Variants in VPS8 observed in about 807,000 individuals in gnomAD.
The protein encoded by VPS8 is VPS8 subunit of CORVET complex.
Under a neutral mutation model 216.4 loss-of-function variants are expected in VPS8, and 129 were observed. The observed-to-expected ratio is 0.60, with a 90% CI of 0.52 to 0.69. VPS8 has a LOEUF of 0.69. Ranked by LOEUF, VPS8 falls within the 30% of genes least tolerant of loss-of-function variation. The probability of loss-of-function intolerance (pLI) is 0.00; values close to 1 mark genes in which losing one functional copy is unlikely to be tolerated. For synonymous variants in VPS8, 571 were observed against 565.4 expected, an observed-to-expected ratio of 1.01 and a Z score of -0.14; for missense variants, 1,531 against 1,683.5, an observed-to-expected ratio of 0.91 and a Z score of 1.59.
At chr3:184,846,113 T>G (rs933026331) in intron 8 of VPS8, among the ~76,000 whole-genome samples, 71 of 152,350 alleles carry the variant, frequency 4.7e-4, no homozygotes, top group African/African-American at 1.7e-3. Flanking sequence ...GTTGTAAGGC[T>G]TGTAACTATC....
chr3:184,892,557 C>G (rs1479519260), intron 22 of VPS8, among the ~76,000 whole-genome samples: 1 of 152,078 alleles, frequency 6.6e-6, no homozygotes, highest in Non-Finnish European at 1.5e-5. Flanking sequence ...TTTCCTGATG[C>G]ACTAATAAGT....
chr3:184,976,082 A>G (rs909116795), intron 40 of VPS8, among the ~76,000 whole-genome samples: 4 of 152,104 alleles, frequency 2.6e-5, no homozygotes, highest in Non-Finnish European at 5.9e-5. Context: ...CATTGTAATT[A>G]TGTGTATATG....
intron 1 of VPS8, chr3:184,816,254 T>C (rs1261728864): frequency 2.0e-5 from 3 of 152,248 alleles, no homozygotes; most frequent in Non-Finnish European, 4.4e-5. Context: ...TAGACTTCGT[T>C]CATATTATTG....
chr3:184,986,518 G>A (rs1409954266), intron 42 of VPS8, among the ~76,000 whole-genome samples: 3 of 152,132 alleles, frequency 2.0e-5, no homozygotes, highest in Non-Finnish European at 4.4e-5. Flanking sequence ...TCTGCTGATG[G>A]TATTCCCCGT....
intron 39 of VPS8, among the ~76,000 whole-genome samples, chr3:184,969,806 A>G (rs183886004): frequency 2.0e-5 from 3 of 149,514 alleles, no homozygotes; most frequent in Non-Finnish European, 4.4e-5. Context: ...CACTACAATC[A>G]TTTGCAGGTG....
At chr3:184,899,786 ATGCATTC>A (rs1255882588) in intron 24 of VPS8, among the ~76,000 whole-genome samples, 1 of 152,172 alleles carries the variant, frequency 6.6e-6, no homozygotes, top group African/African-American at 2.4e-5. Flanking sequence ...TTCTATTTTG[ATGCATTC>A]TGCATTGACA....
rs748801244 is a variant in VPS8 at position 184,915,018 on chromosome 3, A to G, written c.2227A>G (p.Ile743Val). 6.8e-6 allele frequency: 11 copies of G among 1,614,032 alleles called. No individual in the cohort carries two copies. The Middle Eastern group carries it at 4.9e-4, about 73-fold the overall frequency. ...LAGRAYPLGD[I>V]PEDLVPLVKN... is the part of the protein sequence containing the mutation. ...AGGTCGTGCCTATCCCCTTGGTGAC[A>G]TCCCTGAAGATCTGGTTCCCTTGGT... The change falls in exon 27 of 48, where the codon ATC becomes GTC. Residue 743 changes from isoleucine (I) to valine (V), a missense_variant. Transcript: ENST00000625842.
chr3:184,997,187 G>A (rs1752727231), intron 44 of VPS8, among the ~76,000 whole-genome samples: 1 of 152,176 alleles, frequency 6.6e-6, no homozygotes, highest in South Asian at 2.1e-4. Context: ...CAGAGTGAAG[G>A]TGTTGGTCTC....
intron 46 of VPS8, among the ~76,000 whole-genome samples, chr3:185,026,293 T>G (rs1344278100): frequency 6.6e-6 from 1 of 152,164 alleles, no homozygotes; most frequent in East Asian, 1.9e-4. Flanking sequence ...TGGGAGGATG[T>G]GCACTGGTTA....
rs375531699 is a variant in VPS8, at chr3:184,928,478, G to A, written c.2659G>A (p.Gly887Ser). Residue 887 changes from glycine to serine, a missense_variant, in exon 32 of 48, where the codon GGC becomes AGC. Around this residue, in one of 3 missense-constraint regions of VPS8, gnomAD observed 1,318 missense variants for 1,468.4 expected, o/e 0.90. Coordinates refer to ENST00000625842, the MANE Select transcript of VPS8 (RefSeq NM_001009921.3). ...CCTTTTAGAATTGCTGCAGGCTGGAGGCATAGTTCAATTTGAAGAGAGTCG... is the reference window on the plus strand; with the variant it reads ...CCTTTTAGAATTGCTGCAGGCTGGAAGCATAGTTCAATTTGAAGAGAGTCG... ...QVLLELLQAG[G>S]IVQFEESRLI... 6 of 1,534,126 alleles carry A rather than the reference G, an allele frequency of 3.9e-6. No homozygotes were observed. Among genetic ancestry groups the A allele is most frequent in the Non-Finnish European group, 5.2e-6 (6 of 1,152,756 alleles).
At chr3:185,008,053 A>G (rs902106836) in intron 45 of VPS8, among the ~76,000 whole-genome samples, 1 of 151,972 alleles carries the variant, frequency 6.6e-6, no homozygotes, top group African/African-American at 2.4e-5. Flanking sequence ...AATTAAATAT[A>G]TATTACTATA....
intron 45 of VPS8, among the ~76,000 whole-genome samples, chr3:185,019,845 T>C (rs893140361): frequency 2.0e-5 from 3 of 152,228 alleles, no homozygotes; most frequent in African/African-American, 7.2e-5. Context: ...CATAATTAAA[T>C]GCTTTTGAGA....
Position 184,824,659 on chromosome 3 carries a change from T to A in VPS8, c.27T>A (p.Asn9Lys). ...TGGAAAATGAACCAGACCATGAAAATGTGGAACAGAGCCTCTGTGCCAAGA... is the reference window on the plus strand; with the variant it reads ...TGGAAAATGAACCAGACCATGAAAAAGTGGAACAGAGCCTCTGTGCCAAGA... MENEPDHE[N>K]VEQSLCAKTS... The change falls in exon 2 of 48, where the codon AAT (asparagine) becomes AAA (lysine). Residue 9 changes from asparagine to lysine, a missense_variant. Asn to Lys is a moderately conservative substitution (Grantham distance 94). Coordinates refer to ENST00000625842, the MANE Select transcript of VPS8 (RefSeq NM_001009921.3). The A allele has an allele frequency of 6.2e-7, 1 of 1,613,840 alleles. No homozygotes were observed. Among genetic ancestry groups the A allele is most frequent in the Non-Finnish European group, 8.5e-7 (1 of 1,179,840 alleles).
intron 17 of VPS8, 144 bp downstream of exon 17, chr3:184,867,094 GA>G: frequency 1.6e-6 from 1 of 636,968 alleles, no homozygotes; most frequent in Non-Finnish European, 2.5e-6. Context: ...AGGTAGGCAT[GA>G]TTTTTAGTTA....
chr3:185,031,993 A>T (rs1021602917), intron 46 of VPS8, among the ~76,000 whole-genome samples: 1 of 152,042 alleles, frequency 6.6e-6, no homozygotes, highest in Non-Finnish European at 1.5e-5. Context: ...ATGAAACCCT[A>T]TCTCTACTAA....
At chr3:184,855,315 A>AT (rs1388602971) in intron 13 of VPS8, among the ~76,000 whole-genome samples, 3 of 152,100 alleles carry the variant, frequency 2.0e-5, no homozygotes, top group Non-Finnish European at 4.4e-5. Flanking sequence ...ATCAAATTAT[A>AT]TTTTTTATGT....
chr3:184,883,851 CT>C (rs1446731449), intron 21 of VPS8, among the ~76,000 whole-genome samples: 2 of 152,138 alleles, frequency 1.3e-5, no homozygotes, highest in African/African-American at 2.4e-5. Context: ...TAGTTTCTAC[CT>C]GATAATTATA....
chr3:184,888,141 C>A (rs1007935982), intron 22 of VPS8, among the ~76,000 whole-genome samples: 5 of 152,084 alleles, frequency 3.3e-5, no homozygotes, highest in Non-Finnish European at 5.9e-5. Flanking sequence ...GCGCCCGCCA[C>A]CATGCCCGGC....
chr3:184,894,748 A>G lies in VPS8; in HGVS notation c.1827A>G (p.Ser609=). ...TGTATGATAAATTAAGTGAGAATTC[A>G]GTGGCCAAAGGAGTATTTTTGGAGT... ...SQMYDKLSEN[S]VAKGVFLECL... is the part of the protein sequence containing the mutation. Residue 609 remains serine (S), a synonymous_variant, in exon 23 of 48, where the codon TCA becomes TCG. Coordinates refer to ENST00000625842, the MANE Select transcript of VPS8 (RefSeq NM_001009921.3). 1.9e-6 allele frequency: 3 copies of G among 1,608,706 alleles called. No individual in the cohort carries two copies. Among genetic ancestry groups the G allele is most frequent in the South Asian group, 1.1e-5 (1 of 89,914 alleles).
Sources: allele counts gnomAD v4.1 joint callset (sites outside exome capture counted in the v4.1 genomes callset), GRCh38; gene constraint gnomAD v4.1.1; regional missense constraint gnomAD v4.1.1; transcripts MANE v1.5; gene names NCBI Gene and HGNC (gene_info 2026-07-23, HGNC 2026-07-21).